The following RP1L1 variants were observed in gnomAD, a reference collection of about 807,000 sequenced individuals.
The protein encoded by RP1L1 is retinitis pigmentosa 1-like 1 protein.
A neutral mutation model predicts 15.7 loss-of-function variants in RP1L1; 27 were observed. The ratio of observed to expected loss-of-function variants is 1.72; its 90% CI spans 1.27 to 2.38. RP1L1 has a LOEUF of 2.38. Ranked by LOEUF, RP1L1 falls within the 30% of genes most tolerant of loss-of-function variation. The probability of loss-of-function intolerance (pLI) is 0.00; values close to 1 mark genes in which losing one functional copy is unlikely to be tolerated. For missense variants in RP1L1, 4,798 were observed against 3,075.9 expected (o/e 1.56, Z -13.24); for synonymous variants, 1,813 against 1,276.7 (o/e 1.42, Z -8.96).
chr8:10,617,004 A>G (rs1797978414), intron 2 of RP1L1, among the ~76,000 whole-genome samples: 1 of 152,132 alleles, frequency 6.6e-6, no homozygotes, highest in African/African-American at 2.4e-5. Flanking sequence ...TTCCCAAATG[A>G]AGGAGACTCT....
In RP1L1 at chr8:10,611,782, C is replaced by T. The variant is rs62490857; in HGVS notation, c.2316G>A (p.Ser772=). ...ATGTGTGGGGAGGTATGGGGGCCGG[C>T]GAGCATGTCCTGGACCCCGCGTCCC... ...WAGDAGSRTC[S]PAPIPPHTSD... The change falls in exon 4 of 4, where the codon TCG becomes TCA. Residue 772 remains serine, a synonymous_variant. Transcript: ENST00000382483. 123,236 of 1,613,536 alleles carry T rather than the reference C, an allele frequency of 0.076. 5,546 individuals are homozygous for T. The highest frequency in any genetic ancestry group is 0.085 in the Non-Finnish European group (99,729 of 1,179,972).
chr8:10,610,012 T>C lies in RP1L1; in HGVS notation c.4086A>G (p.Thr1362=). The C allele has an allele frequency of 6.3e-7, 1 of 1,580,748 alleles. No homozygotes were observed. The change falls in exon 4 of 4, where the codon ACA becomes ACG. Residue 1362 remains threonine (T), a synonymous_variant. Transcript: ENST00000382483. Reference sequence around the variant, plus strand: ...CCTCTTCTTGCAGCCCTTCTCCTCCTGTTTCTTCAATTTCCTCTAACTGCG... The same window carrying C: ...CCTCTTCTTGCAGCCCTTCTCCTCCCGTTTCTTCAATTTCCTCTAACTGCG... ...EEAQLEEIEE[T]GGEGLQEEGV... is the part of the protein sequence containing the mutation.
intron 1 of RP1L1, among the ~76,000 whole-genome samples, chr8:10,648,743 C>G (rs900680518): frequency 3.3e-5 from 5 of 152,248 alleles, no homozygotes; most frequent in Non-Finnish European, 7.3e-5. Context: ...AAGACCCTGA[C>G]AGAGAACTTA....
Position 10,607,515 on chromosome 8 carries a change from C to G in RP1L1, c.6583G>C (p.Gly2195Arg). ...CCTTCTGCCTCTGGGGCCTCTATACCTTCTGACTCTGGCTGGGCCTCCCCT... is the reference window on the plus strand; with the variant it reads ...CCTTCTGCCTCTGGGGCCTCTATACGTTCTGACTCTGGCTGGGCCTCCCCT... The part of the protein sequence containing the change: ...AEGEAQPESE[G>R]IEAPEAEGEA... The change falls in exon 4 of 4, where the codon GGT becomes CGT. Residue 2195 changes from glycine to arginine, a missense_variant. Coordinates refer to ENST00000382483, the MANE Select transcript of RP1L1 (RefSeq NM_178857.6). 6.2e-7 allele frequency: 1 copy of G among 1,607,794 alleles called. No homozygotes were observed. The highest frequency in any genetic ancestry group is 8.5e-7 in the Non-Finnish European group (1 of 1,175,628).
Position 10,607,793 on chromosome 8 carries a change from T to C in RP1L1, c.6305A>G (p.Glu2102Gly), listed in dbSNP as rs1296190948. Residue 2102 changes from glutamate to glycine, a missense_variant, in exon 4 of 4, where the codon GAG (glutamate) becomes GGG (glycine). Glu to Gly is a moderately conservative substitution (Grantham distance 98, BLOSUM62 -2). Coordinates refer to ENST00000382483, the MANE Select transcript of RP1L1 (RefSeq NM_178857.6). ...GEAQPESEGV[E>G]APEAEGEAQK... The stretch of plus-strand genomic sequence containing the variant: ...GGCCTCCCCTTCTGCCTCTGGGGCC[T>C]CTACACCTTCTGATTCTGGCTGGGC... The C allele has an allele frequency of 1.2e-6, 2 of 1,607,410 alleles. No individual in the cohort carries two copies. Among genetic ancestry groups the C allele is most frequent in the East Asian group, 2.3e-5 (1 of 43,998 alleles).
At chr8:10,646,294 T>G (rs1798477031) in intron 1 of RP1L1, among the ~76,000 whole-genome samples, 1 of 152,086 alleles carries the variant, frequency 6.6e-6, no homozygotes, top group Admixed American at 6.5e-5. Context: ...AGGTTTAAAC[T>G]ACCTAGAGTC....
intron 1 of RP1L1, among the ~76,000 whole-genome samples, chr8:10,653,824 G>A (rs752166177): frequency 6.6e-6 from 1 of 152,132 alleles, no homozygotes; most frequent in East Asian, 1.9e-4. Flanking sequence ...GAACGATGTG[G>A]AGTGCACATC....
chr8:10,622,924 A>AG lies in RP1L1; in HGVS notation c.277dup (p.Leu93ProfsTer14). The AG allele has an allele frequency of 6.2e-7, 1 of 1,613,982 alleles. No individual in the cohort carries two copies. Among genetic ancestry groups the AG allele is most frequent in the Non-Finnish European group, 8.5e-7 (1 of 1,179,968 alleles). Reference sequence around the variant, plus strand: ...GCAGCCTCCATCTTCCAGCTGCTCCAGGGCGCTGAGGCTATGCAGGCCCCG... The same window carrying AG: ...GCAGCCTCCATCTTCCAGCTGCTCCAGGGGCGCTGAGGCTATGCAGGCCCCG... On this transcript the variant is annotated frameshift_variant, in exon 2 of 4. Coordinates refer to ENST00000382483, the MANE Select transcript of RP1L1 (RefSeq NM_178857.6). LOFTEE classifies it high-confidence loss of function.
intron 1 of RP1L1, among the ~76,000 whole-genome samples, chr8:10,643,047 T>A (rs954041551): frequency 1.3e-5 from 2 of 152,172 alleles, no homozygotes; most frequent in African/African-American, 4.8e-5. Context: ...GGTTAAAAAA[T>A]TTTTTCAGGC....
At chr8:10,650,373 A>C (rs1305178820) in intron 1 of RP1L1, among the ~76,000 whole-genome samples, 1 of 152,166 alleles carries the variant, frequency 6.6e-6, no homozygotes, top group Non-Finnish European at 1.5e-5. Context: ...TACAGCTTCG[A>C]CCAAAGGGGC....
chr8:10,632,186 G>A (rs952603060), intron 1 of RP1L1, among the ~76,000 whole-genome samples: 41 of 152,130 alleles, frequency 2.7e-4, no homozygotes, highest in African/African-American at 9.7e-4. Context: ...CAAACAACGG[G>A]AAGCAACCAG....
rs754155312 is a variant in RP1L1, at chr8:10,609,938, C to A, written c.4160G>T (p.Gly1387Val). 1.9e-6 allele frequency: 3 copies of A among 1,613,332 alleles called. No individual in the cohort carries two copies. The highest frequency in any genetic ancestry group is 1.1e-5 in the South Asian group (1 of 91,088). ...TTTGAGACCCTCTTCAAGAGCCTCTCCTTGCAGTCCTCCTTCTGGCCCTTC... is the reference window on the plus strand; with the variant it reads ...TTTGAGACCCTCTTCAAGAGCCTCTACTTGCAGTCCTCCTTCTGGCCCTTC... ...VKEGPEGGLQ[G>V]EALEEGLKEE... The change falls in exon 4 of 4, where the codon GGA becomes GTA. Residue 1387 changes from glycine (G) to valine (V), a missense_variant. Physicochemically the swap from Gly to Val is moderately radical, Grantham distance 109. Coordinates refer to ENST00000382483, the MANE Select transcript of RP1L1 (RefSeq NM_178857.6).
rs747870004 is a variant in RP1L1, at chr8:10,622,808, C to T, written c.394G>A (p.Val132Ile). Residue 132 changes from valine to isoleucine, a missense_variant, in exon 2 of 4, where the codon GTC becomes ATC. Physicochemically the swap from Val to Ile is conservative, Grantham distance 29. Coordinates refer to ENST00000382483, the MANE Select transcript of RP1L1 (RefSeq NM_178857.6). ...CCTGGGGCTTCACGCTGGCCTTCGA[C>T]ATCCCGCAACTGCTGAGCAGTGGGG... ...RNPTAQQLRD[V>I]EGQREAPGTS... The T allele has an allele frequency of 1.2e-6, 2 of 1,613,876 alleles. No homozygotes were observed. Among genetic ancestry groups the T allele is most frequent in the East Asian group, 2.2e-5 (1 of 44,876 alleles).
In RP1L1 at chr8:10,622,614, C is replaced by T; in HGVS notation, c.588G>A (p.Leu196=). The T allele has an allele frequency of 6.2e-7, 1 of 1,614,230 alleles. No homozygotes were observed. Among genetic ancestry groups the T allele is most frequent in the Non-Finnish European group, 8.5e-7 (1 of 1,180,036 alleles). ...CTACCTTTTTCCCGCTGGTCGTGTA[C>T]AACTGCTTCACAGGAAAGCGCAGGA... The part of the protein sequence containing the change: ...SDLLRFPVKQ[L]YTTSGKKVDS... The change falls in exon 2 of 4, where the codon TTG becomes TTA. Residue 196 remains leucine, a synonymous_variant. Coordinates refer to ENST00000382483, the MANE Select transcript of RP1L1 (RefSeq NM_178857.6).
At position 10,608,093 on chromosome 8, in the gene RP1L1, G is replaced by A. The variant is rs1797745557; in HGVS notation, c.6005C>T (p.Ala2002Val). Residue 2002 changes from alanine (A) to valine (V), a missense_variant, in exon 4 of 4, where the codon GCC becomes GTC. Coordinates refer to ENST00000382483, the MANE Select transcript of RP1L1 (RefSeq NM_178857.6). ...EAQPESEDVE[A>V]PEAEGEMQEA... ...TTGCATCTCCCCTTCAGCCTCTGGG[G>A]CCTCTACATCTTCTGACTCTGGCTG... 1.2e-6 allele frequency: 2 copies of A among 1,612,610 alleles called. No homozygotes were observed. The highest frequency in any genetic ancestry group is 1.7e-6 in the Non-Finnish European group (2 of 1,179,748).
At chr8:10,651,647 C>T (rs998232090) in intron 1 of RP1L1, among the ~76,000 whole-genome samples, 6 of 151,510 alleles carry the variant, frequency 4.0e-5, no homozygotes, top group African/African-American at 1.2e-4. Flanking sequence ...ATCCCTTGAA[C>T]TCAGGAGGCT....
intron 1 of RP1L1, among the ~76,000 whole-genome samples, chr8:10,651,107 C>G (rs952925691): frequency 6.6e-6 from 1 of 152,210 alleles, no homozygotes; most frequent in Non-Finnish European, 1.5e-5. Context: ...GAAGCAGGCT[C>G]AGAAGGGGCA....
intron 1 of RP1L1, among the ~76,000 whole-genome samples, chr8:10,631,298 C>G (rs1220060314): frequency 7.5e-6 from 1 of 133,598 alleles, no homozygotes; most frequent in African/African-American, 2.6e-5. Flanking sequence ...CGCACACAAA[C>G]ACGCATGCAC....
chr8:10,631,407 G>GCACACACGCACACACACATGCGCGCA (rs1563135516), intron 1 of RP1L1, among the ~76,000 whole-genome samples: 2 of 120,932 alleles, frequency 1.7e-5, no homozygotes, highest in African/African-American at 6.1e-5. Flanking sequence ...GCACACACAC[G>GCACACACGCACACACACATGCGCGCA]CACACACGCA....
Sources: allele counts gnomAD v4.1 joint callset (sites outside exome capture counted in the v4.1 genomes callset), GRCh38; gene constraint gnomAD v4.1.1; transcripts MANE v1.5; gene names NCBI Gene and HGNC (gene_info 2026-07-23, HGNC 2026-07-21).